Variants in SDK1 observed in about 807,000 individuals in gnomAD.
The protein encoded by SDK1 is protein sidekick-1.
Under a neutral mutation model 245.5 loss-of-function variants are expected in SDK1, and 157 were observed. That is an observed-to-expected ratio of 0.64 (90% CI 0.56 to 0.73). The LOEUF is 0.73. SDK1 is among the 30% of genes least tolerant of loss of function. The pLI is 0.00. For missense variants in SDK1, 3,583 were observed against 3,002.3 expected (o/e 1.19, Z -4.52); for synonymous variants, 1,647 against 1,278.5 (o/e 1.29, Z -6.15).
At chr7:4,107,699 G>T (rs879814751) in intron 22 of SDK1, among the ~76,000 whole-genome samples, 1 of 151,990 alleles carries the variant, frequency 6.6e-6, no homozygotes, top group Non-Finnish European at 1.5e-5. Context: ...TTGGTCCTCC[G>T]CACTCCCCAG....
chr7:3,435,060 A>T (rs1347198676), intron 1 of SDK1, among the ~76,000 whole-genome samples: 1 of 152,180 alleles, frequency 6.6e-6, no homozygotes, highest in Non-Finnish European at 1.5e-5. Flanking sequence ...GTACCAAATT[A>T]TGTAATTCTT....
intron 1 of SDK1, among the ~76,000 whole-genome samples, chr7:3,544,136 T>C (rs968797176): frequency 6.6e-6 from 1 of 152,208 alleles, no homozygotes; most frequent in South Asian, 2.1e-4. Context: ...TAGCATCAAT[T>C]TCATTTTTAA....
intron 32 of SDK1, among the ~76,000 whole-genome samples, chr7:4,171,537 T>C (rs1781837979): frequency 6.6e-6 from 1 of 152,234 alleles, no homozygotes; most frequent in African/African-American, 2.4e-5. Context: ...TCCCGGGCTC[T>C]GGTTCGGCGG....
intron 4 of SDK1, among the ~76,000 whole-genome samples, chr7:3,705,995 G>A (rs183867578): frequency 1.3e-3 from 197 of 152,190 alleles, no homozygotes; most frequent in Non-Finnish European, 2.5e-3. Flanking sequence ...AGATTTTATC[G>A]AATGTCTTTT....
chr7:3,576,338 T>C (rs1583184992), intron 1 of SDK1, among the ~76,000 whole-genome samples: 1 of 152,112 alleles, frequency 6.6e-6, no homozygotes, highest in Non-Finnish European at 1.5e-5. Context: ...TGTGTACTTC[T>C]GTGTGACTCT....
At chr7:3,511,696 G>A (rs1348946021) in intron 1 of SDK1, among the ~76,000 whole-genome samples, 4 of 151,940 alleles carry the variant, frequency 2.6e-5, no homozygotes, top group Non-Finnish European at 1.5e-5. Flanking sequence ...ATAAGTCACT[G>A]TGGACAGTTA....
chr7:4,183,364 G>A (rs536279748), intron 35 of SDK1, among the ~76,000 whole-genome samples: 18 of 152,094 alleles, frequency 1.2e-4, no homozygotes, highest in Non-Finnish European at 1.5e-4. Context: ...GGCTGGGTGC[G>A]GTGGTTCATG....
intron 5 of SDK1, among the ~76,000 whole-genome samples, chr7:3,896,455 A>C (rs1417916314): frequency 2.6e-5 from 4 of 152,198 alleles, no homozygotes; most frequent in African/African-American, 9.6e-5. Context: ...AACACTCAGC[A>C]AAAGACCCTG....
intron 1 of SDK1, among the ~76,000 whole-genome samples, chr7:3,576,987 A>G (rs749320614): frequency 6.6e-6 from 1 of 151,912 alleles, no homozygotes; most frequent in Non-Finnish European, 1.5e-5. Context: ...ACCACGGTGG[A>G]TGGACTTCCA....
intron 1 of SDK1, among the ~76,000 whole-genome samples, chr7:3,410,073 AAG>A (rs1779159097): frequency 6.6e-6 from 1 of 152,156 alleles, no homozygotes; most frequent in Non-Finnish European, 1.5e-5. Context: ...GATATATATA[AAG>A]TCCATAACAA....
chr7:3,754,948 G>C (rs113038712), intron 4 of SDK1, among the ~76,000 whole-genome samples: 1 of 152,090 alleles, frequency 6.6e-6, no homozygotes, highest in South Asian at 2.1e-4. Flanking sequence ...TACTGATTAC[G>C]TCTCACTTGG....
chr7:4,049,944 G>C (rs970591157), intron 18 of SDK1, among the ~76,000 whole-genome samples: 1 of 152,156 alleles, frequency 6.6e-6, no homozygotes, highest in Non-Finnish European at 1.5e-5. Flanking sequence ...CGCCCATACT[G>C]AATTAGACAC....
chr7:4,153,657 T>C (rs977755425), intron 30 of SDK1, among the ~76,000 whole-genome samples: 3 of 152,142 alleles, frequency 2.0e-5, no homozygotes, highest in African/African-American at 7.2e-5. Flanking sequence ...TGTGATACAA[T>C]AGTGAGGTCT....
chr7:4,041,183 A>G (rs1045039231), intron 17 of SDK1, among the ~76,000 whole-genome samples: 1 of 152,184 alleles, frequency 6.6e-6, no homozygotes, highest in African/African-American at 2.4e-5. Context: ...GTGTCAGGGA[A>G]GTGCCGTGTG....
chr7:3,522,168 G>A lies in SDK1; in HGVS notation c.299-96912G>A, dbSNP rs1198826704. 2.7e-5 allele frequency among the ~76,000 whole-genome samples: 4 copies of A among 150,614 alleles called. No homozygotes were observed. The East Asian group carries it at 7.8e-4, about 29-fold the overall frequency. ...TGTATACAATAACTTTTTTTTTTGA[G>A]GCCCTGGTGTTAATCAGAATGATGC... On this transcript the variant is annotated intron_variant, in intron 1 of 44. Coordinates refer to ENST00000404826, the MANE Select transcript of SDK1 (RefSeq NM_152744.4).
chr7:3,625,843 C>G (rs967179955), intron 2 of SDK1, among the ~76,000 whole-genome samples: 5 of 152,088 alleles, frequency 3.3e-5, no homozygotes. Context: ...GCCAGCTGCG[C>G]CACCATAAAG....
At position 4,065,534 on chromosome 7, in the gene SDK1, C is replaced by T. The variant is rs148206860; in HGVS notation, c.2912-2304C>T. ...AGAACAAGTCAGTGCAAAAATCTGT[C>T]AGAATGTCTTTCTGGAGGCTCACAA... On this transcript the variant is annotated intron_variant, in intron 19 of 44. Coordinates refer to ENST00000404826, the MANE Select transcript of SDK1 (RefSeq NM_152744.4). Among the ~76,000 whole-genome samples the T allele has an allele frequency of 2.4e-3, 372 of 152,156 alleles. 2 individuals carry two copies. Among genetic ancestry groups the T allele is most frequent in the African/African-American group, 8.5e-3 (351 of 41,500 alleles).
At chr7:3,882,547 G>A (rs964177583) in intron 5 of SDK1, among the ~76,000 whole-genome samples, 5 of 152,208 alleles carry the variant, frequency 3.3e-5, no homozygotes, top group African/African-American at 9.6e-5. Context: ...CATTTAGAAT[G>A]TATGATGATC....
chr7:3,316,831 G>A (rs6461993), intron 1 of SDK1, among the ~76,000 whole-genome samples: 85,532 of 151,756 alleles, frequency 0.56, 24,262 homozygotes, highest in African/African-American at 0.63. Flanking sequence ...CCCCTTTTTT[G>A]CTTAAACTAG....
Sources: gnomAD v4.1 joint callset for allele counts (sites outside exome capture counted in the v4.1 genomes callset) on GRCh38, gnomAD v4.1.1 for gene constraint, MANE v1.5 for transcripts, NCBI Gene and HGNC (gene_info 2026-07-23, HGNC 2026-07-21) for gene names.